Variants in TRPM1 observed in about 807,000 individuals in gnomAD.
TRPM1 encodes TRPM1-203 APA Isoform, Intron 10.
In TRPM1, 113 loss-of-function variants were observed where a neutral mutation model predicts 149.4. The ratio of observed to expected loss-of-function variants is 0.76; its 90% CI spans 0.65 to 0.88. The LOEUF is 0.88. Ranked by LOEUF, TRPM1 falls within the 40% of genes least tolerant of loss-of-function variation. The probability of loss-of-function intolerance (pLI) is 0.00; values close to 1 mark genes in which losing one functional copy is unlikely to be tolerated. For missense variants in TRPM1, 1,976 were observed against 2,038.7 expected (o/e 0.97, Z 0.59); for synonymous variants, 741 against 759.5 (o/e 0.98, Z 0.40).
At position 31,047,103 on chromosome 15, in the gene TRPM1, AGT is replaced by A; in HGVS notation, c.1764+6_1764+7del. The A allele has an allele frequency of 6.2e-7, 1 of 1,614,226 alleles. No individual in the cohort carries two copies. The highest frequency in any genetic ancestry group is 1.3e-5 in the African/African-American group (1 of 75,050). On this transcript the variant is annotated splice_donor_region_variant and intron_variant, in intron 15 of 27. Coordinates refer to ENST00000256552, the MANE Select transcript of TRPM1 (RefSeq NM_001252024.2). Reference sequence around the variant, plus strand: ...ACCACAGAACACTACACAGGCACTGAGTTCTACCCTCTTTGGTCCAAACAAGT... The same window carrying A: ...ACCACAGAACACTACACAGGCACTGATCTACCCTCTTTGGTCCAAACAAGT...
chr15:31,099,278 G>A (rs1258033084), intron 1 of TRPM1, among the ~76,000 whole-genome samples: 2 of 152,136 alleles, frequency 1.3e-5, no homozygotes. Flanking sequence ...ACTTAATGGA[G>A]GTTTTAAGAC....
intron 1 of TRPM1, among the ~76,000 whole-genome samples, chr15:31,147,947 G>A (rs748835100): frequency 6.6e-6 from 1 of 152,112 alleles, no homozygotes; most frequent in Non-Finnish European, 1.5e-5. Flanking sequence ...CTGAAATCTC[G>A]CCTGGGGCTG....
chr15:31,078,020 G>T (rs1283868466), intron 2 of TRPM1, among the ~76,000 whole-genome samples: 1 of 152,090 alleles, frequency 6.6e-6, no homozygotes, highest in Non-Finnish European at 1.5e-5. Context: ...GTGCTTGCAG[G>T]CATGGGGAAG....
intron 10 of TRPM1, 64 bp from the exon 11 acceptor site, chr15:31,060,708 T>C: frequency 1.5e-6 from 2 of 1,340,996 alleles, no homozygotes; most frequent in Non-Finnish European, 2.1e-6. Flanking sequence ...GTTTGGCAGG[T>C]GCTGGGTGGT....
At chr15:31,051,748 C>T (rs964398637) in intron 11 of TRPM1, among the ~76,000 whole-genome samples, 5 of 152,218 alleles carry the variant, frequency 3.3e-5, no homozygotes, top group African/African-American at 1.2e-4. Context: ...TTTCTGGCTG[C>T]GGCCCACCTC....
chr15:31,126,974 A>ACAAACAAACAAG (rs2035959577), intron 1 of TRPM1, among the ~76,000 whole-genome samples: 1 of 151,810 alleles, frequency 6.6e-6, no homozygotes, highest in Non-Finnish European at 1.5e-5. Flanking sequence ...CTCAAAACAA[A>ACAAACAAACAAG]CAAACAAACA....
At chr15:31,149,438 C>G (rs1163211277) in intron 1 of TRPM1, among the ~76,000 whole-genome samples, 1 of 152,136 alleles carries the variant, frequency 6.6e-6, no homozygotes, top group Non-Finnish European at 1.5e-5. Context: ...CAAAGGCTGG[C>G]CCCCTGAGCC....
intron 3 of TRPM1, among the ~76,000 whole-genome samples, chr15:31,074,456 A>C (rs1477207309): frequency 6.6e-6 from 1 of 151,898 alleles, no homozygotes; most frequent in African/African-American, 2.4e-5. Flanking sequence ...TTCCCATTTC[A>C]TCTAAGTTAT....
chr15:31,077,448 T>TCA (rs10671433), intron 2 of TRPM1, among the ~76,000 whole-genome samples: 82,594 of 151,818 alleles, frequency 0.54, 22,795 homozygotes, highest in East Asian at 0.79. Context: ...CCTCTTGTTC[T>TCA]GTCACCAGGG....
At chr15:31,026,055 G>A (rs751436992) in intron 27 of TRPM1, 84 bp downstream of exon 27, 10 of 1,572,756 alleles carry the variant, frequency 6.4e-6, no homozygotes, top group Admixed American at 3.3e-5. Context: ...ATGTTTAAAT[G>A]AACTCTGGCA....
chr15:31,081,292 C>T (rs2034850087), intron 2 of TRPM1, 61 bp downstream of exon 2: 1 of 917,950 alleles, frequency 1.1e-6, no homozygotes, highest in Non-Finnish European at 1.6e-6. Flanking sequence ...TAGCATGTGA[C>T]TAACGTACTT....
intron 11 of TRPM1, among the ~76,000 whole-genome samples, chr15:31,054,173 T>C (rs1201751537): frequency 6.6e-6 from 1 of 152,230 alleles, no homozygotes; most frequent in Non-Finnish European, 1.5e-5. Context: ...ATGATTTTCC[T>C]TCAAAAATTG....
At chr15:31,123,681 A>G (rs889600029) in intron 1 of TRPM1, among the ~76,000 whole-genome samples, 3 of 152,224 alleles carry the variant, frequency 2.0e-5, no homozygotes, top group African/African-American at 7.2e-5. Flanking sequence ...GAATGGCTAA[A>G]ACCCAAAAAA....
At chr15:31,074,243 A>G (rs1033022928) in intron 3 of TRPM1, among the ~76,000 whole-genome samples, 5 of 152,086 alleles carry the variant, frequency 3.3e-5, no homozygotes, top group African/African-American at 4.8e-5. Flanking sequence ...CTTCTCTGCT[A>G]TTTTCTTGAA....
intron 21 of TRPM1, among the ~76,000 whole-genome samples, chr15:31,035,219 G>C (rs1318894189): frequency 6.6e-6 from 1 of 152,182 alleles, no homozygotes; most frequent in Non-Finnish European, 1.5e-5. Context: ...GGCCAGGCTG[G>C]TTTCGAATTA....
Position 31,050,299 on chromosome 15 carries a change from G to A in TRPM1, c.1437+110C>T, listed in dbSNP as rs569873271. 7.8e-5 allele frequency: 119 copies of A among 1,520,298 alleles called. No homozygotes were observed. The African/African-American group carries it at 1.0e-3, about 13-fold the overall frequency. 94.2% of individuals were successfully genotyped at this position (1,520,298 alleles called of 1,614,324 possible). ...ACACTACCCAGTCAAGCCTTTACCCGTCCCTCCTGGGATCAGGGCCCTGGG... is the reference window on the plus strand; with the variant it reads ...ACACTACCCAGTCAAGCCTTTACCCATCCCTCCTGGGATCAGGGCCCTGGG... On this transcript the variant is annotated intron_variant, in intron 12 of 27. Coordinates refer to ENST00000256552, the MANE Select transcript of TRPM1 (RefSeq NM_001252024.2).
rs140472016 is a variant in TRPM1, at chr15:31,094,856, G to A, written c.-84+6801C>T. Reference sequence around the variant, plus strand: ...AAATGTAGAATTACCATATGACCCAGCAATTTTACTGCTAGGTATATACCC... The same window carrying A: ...AAATGTAGAATTACCATATGACCCAACAATTTTACTGCTAGGTATATACCC... On this transcript the variant is annotated intron_variant, in intron 1 of 27. Transcript: ENST00000256552. Among the ~76,000 whole-genome samples the A allele has an allele frequency of 7.1e-3, 1,083 of 152,324 alleles. 4 individuals are homozygous for A. Among genetic ancestry groups the A allele is most frequent in the Non-Finnish European group, 0.01 (702 of 68,032 alleles).
At chr15:31,059,755 T>C (rs1392016500) in intron 11 of TRPM1, among the ~76,000 whole-genome samples, 1 of 152,204 alleles carries the variant, frequency 6.6e-6, no homozygotes, top group South Asian at 2.1e-4. Context: ...ATATTCCTAC[T>C]ACCTTTCATA....
At chr15:31,143,690 G>A (rs868210691) in intron 1 of TRPM1, among the ~76,000 whole-genome samples, 46 of 152,088 alleles carry the variant, frequency 3.0e-4, no homozygotes, top group African/African-American at 9.4e-4. Flanking sequence ...TGGGATTACA[G>A]GCATGAGTCA....
Sources: allele counts gnomAD v4.1 joint callset (sites outside exome capture counted in the v4.1 genomes callset), GRCh38; gene constraint gnomAD v4.1.1; transcripts MANE v1.5; gene names NCBI Gene and HGNC (gene_info 2026-07-23, HGNC 2026-07-21).